CNTNAP2: variants seen among roughly 807,000 people sequenced by gnomAD.
CNTNAP2 encodes the protein contactin associated protein 2.
Under a neutral mutation model 155.2 loss-of-function variants are expected in CNTNAP2, and 98 were observed. The ratio of observed to expected loss-of-function variants is 0.63; its 90% CI spans 0.54 to 0.75. CNTNAP2 has a LOEUF of 0.75. Among genes scored for constraint, CNTNAP2 ranks in the 30% least tolerant of loss-of-function variants. The pLI is 0.00. For synonymous variants in CNTNAP2, 651 were observed against 631.2 expected, an observed-to-expected ratio of 1.03 and a Z score of -0.47; for missense variants, 1,727 against 1,688.1, an observed-to-expected ratio of 1.02 and a Z score of -0.40.
chr7:147,276,989 G>A (rs1035035224), intron 8 of CNTNAP2, among the ~76,000 whole-genome samples: 1 of 151,944 alleles, frequency 6.6e-6, no homozygotes, highest in Admixed American at 6.6e-5. Flanking sequence ...AACCAAGTGT[G>A]CTCACCTATG....
At chr7:147,125,370 G>T (rs1801211651) in intron 6 of CNTNAP2, among the ~76,000 whole-genome samples, 1 of 152,100 alleles carries the variant, frequency 6.6e-6, no homozygotes. Flanking sequence ...CCCTCCTCTT[G>T]TAGCTGCCTA....
intron 9 of CNTNAP2, among the ~76,000 whole-genome samples, chr7:147,388,954 C>T (rs1040113117): frequency 4.6e-5 from 7 of 152,134 alleles, no homozygotes; most frequent in African/African-American, 1.7e-4. Flanking sequence ...CTTATTTGCC[C>T]AATCAACCTG....
chr7:146,833,580 C>T (rs1367680876), intron 2 of CNTNAP2, among the ~76,000 whole-genome samples: 1 of 152,100 alleles, frequency 6.6e-6, no homozygotes, highest in Non-Finnish European at 1.5e-5. Flanking sequence ...CTCAGATATG[C>T]CTATTTGCTA....
chr7:147,736,836 C>T (rs968374625), intron 13 of CNTNAP2, among the ~76,000 whole-genome samples: 2 of 152,170 alleles, frequency 1.3e-5, no homozygotes, highest in African/African-American at 4.8e-5. Flanking sequence ...CTTGTGCATT[C>T]GTCACGTAGT....
chr7:147,123,779 G>T (rs964490892), intron 6 of CNTNAP2, among the ~76,000 whole-genome samples: 1 of 151,902 alleles, frequency 6.6e-6, no homozygotes, highest in Non-Finnish European at 1.5e-5. Flanking sequence ...GGTGGCTCAC[G>T]CCTGTAATCC....
At chr7:146,809,431 G>A (rs78105698) in intron 2 of CNTNAP2, among the ~76,000 whole-genome samples, 2,745 of 151,954 alleles carry the variant, frequency 0.018, 22 homozygotes, top group Non-Finnish European at 0.025. Flanking sequence ...GTGCGGTGTC[G>A]GCTCACTGCA....
At chr7:146,140,959 C>T (rs539230765) in intron 1 of CNTNAP2, among the ~76,000 whole-genome samples, 1 of 152,216 alleles carries the variant, frequency 6.6e-6, no homozygotes. Context: ...TTCCCACCAC[C>T]CAGTGACTGT....
chr7:146,472,512 T>G (rs1796815285), intron 1 of CNTNAP2, among the ~76,000 whole-genome samples: 1 of 152,200 alleles, frequency 6.6e-6, no homozygotes, highest in Non-Finnish European at 1.5e-5. Context: ...TTGTTTCATA[T>G]GATTTGTTCA....
intron 21 of CNTNAP2, among the ~76,000 whole-genome samples, chr7:148,292,729 G>A (rs1797209177): frequency 6.6e-6 from 1 of 152,132 alleles, no homozygotes; most frequent in Admixed American, 6.5e-5. Context: ...CAAGGATGCT[G>A]CAGGGACCCT....
intron 1 of CNTNAP2, among the ~76,000 whole-genome samples, chr7:146,483,142 G>A (rs1796990599): frequency 6.7e-6 from 1 of 150,332 alleles, no homozygotes; most frequent in Non-Finnish European, 1.5e-5. Context: ...CGGGCATGGT[G>A]GCGGGCGCCT....
intron 15 of CNTNAP2, among the ~76,000 whole-genome samples, chr7:147,997,748 G>A (rs989694001): frequency 2.0e-5 from 3 of 152,142 alleles, no homozygotes; most frequent in Non-Finnish European, 2.9e-5. Context: ...CTCCCCTTAT[G>A]GGAGTCTTAC....
In CNTNAP2 at chr7:148,420,096, G is replaced by A. The variant is rs192935620; in HGVS notation, c.*4480G>A. 66 of 152,336 alleles carry A rather than the reference G, an allele frequency of 4.3e-4. No individual in the cohort carries two copies. Among genetic ancestry groups the A allele is most frequent in the African/African-American group, 1.5e-3 (62 of 41,564 alleles). 9.4% of individuals were successfully genotyped at this position (152,336 alleles called of 1,614,324 possible). A position where few individuals can be genotyped will look rare whatever the true frequency, so the allele number is the denominator to read the frequency against. On this transcript the variant is annotated 3_prime_UTR_variant, in exon 24 of 24. Transcript: ENST00000361727. ...ACTGGCATGGCTCTACAGCTGCTCA[G>A]TTATTAATCATGCAGACTAACCTGT...
At chr7:147,551,960 T>G (rs1160416810) in intron 11 of CNTNAP2, among the ~76,000 whole-genome samples, 1 of 152,082 alleles carries the variant, frequency 6.6e-6, no homozygotes, top group Non-Finnish European at 1.5e-5. Context: ...CCATAAACTA[T>G]TAACTTAGAG....
intron 13 of CNTNAP2, among the ~76,000 whole-genome samples, chr7:147,788,587 C>T (rs1403441147): frequency 6.6e-6 from 1 of 152,154 alleles, no homozygotes; most frequent in Non-Finnish European, 1.5e-5. Flanking sequence ...ATTCCCTAGG[C>T]CTTACATACC....
intron 1 of CNTNAP2, among the ~76,000 whole-genome samples, chr7:146,422,723 G>A (rs558606322): frequency 6.6e-6 from 1 of 152,076 alleles, no homozygotes; most frequent in Non-Finnish European, 1.5e-5. Context: ...TGGGGCTCAA[G>A]CAATCTGCCT....
intron 16 of CNTNAP2, among the ~76,000 whole-genome samples, chr7:148,138,877 A>G (rs1330604328): frequency 6.6e-6 from 1 of 152,194 alleles, no homozygotes; most frequent in African/African-American, 2.4e-5. Context: ...CTTTCTTTTT[A>G]AATCATATAG....
At chr7:147,824,764 C>T (rs1404198830) in intron 13 of CNTNAP2, among the ~76,000 whole-genome samples, 3 of 151,746 alleles carry the variant, frequency 2.0e-5, no homozygotes, top group East Asian at 1.9e-4. Context: ...AGCCTCAAAT[C>T]GATATTTAAG....
intron 11 of CNTNAP2, among the ~76,000 whole-genome samples, chr7:147,511,430 T>C (rs1390577418): frequency 1.3e-5 from 2 of 149,984 alleles, no homozygotes; most frequent in East Asian, 3.9e-4. Flanking sequence ...TCTTTTTTAA[T>C]GAAAAAGCTA....
intron 11 of CNTNAP2, among the ~76,000 whole-genome samples, chr7:147,536,587 A>C (rs1032109828): frequency 1.2e-4 from 18 of 152,008 alleles, no homozygotes; most frequent in African/African-American, 4.3e-4. Flanking sequence ...GAGTGAGGGG[A>C]AATATCTGTC....
Sources: allele counts gnomAD v4.1 joint callset (sites outside exome capture counted in the v4.1 genomes callset), GRCh38; gene constraint gnomAD v4.1.1; transcripts MANE v1.5; gene names NCBI Gene and HGNC (gene_info 2026-07-23, HGNC 2026-07-21).